Variants in PRELID2 observed in about 807,000 individuals in gnomAD.
The protein encoded by PRELID2 is PRELI domain-containing protein 2.
In PRELID2, 25 loss-of-function variants were observed where a neutral mutation model predicts 28.4. The observed-to-expected ratio is 0.88, with a 90% CI of 0.64 to 1.23. PRELID2 has a LOEUF of 1.23. Among genes scored for constraint, PRELID2 ranks in the 50% most tolerant of loss-of-function variants. The pLI, the probability that PRELID2 is intolerant of heterozygous loss-of-function variation, is 0.00. For synonymous variants in PRELID2, 76 were observed against 71.6 expected (o/e 1.06, Z -0.31); for missense variants, 201 against 214.4 (o/e 0.94, Z 0.39).
intron 1 of PRELID2, among the ~76,000 whole-genome samples, chr5:145,560,648 C>T (rs916055209): frequency 5.3e-5 from 8 of 152,206 alleles, no homozygotes; most frequent in Non-Finnish European, 8.8e-5. Context: ...AGCAACCAGT[C>T]CCTTTGCTAT....
chr5:145,772,055 A>C (rs779480716), intron 5 of PRELID2, among the ~76,000 whole-genome samples: 3 of 152,236 alleles, frequency 2.0e-5, no homozygotes, highest in Non-Finnish European at 4.4e-5. Flanking sequence ...GATGCTGTCT[A>C]ATCCTTTTAG....
At chr5:145,596,716 A>G (rs527559212) in intron 1 of PRELID2, among the ~76,000 whole-genome samples, 1 of 152,230 alleles carries the variant, frequency 6.6e-6, no homozygotes, top group Non-Finnish European at 1.5e-5. Context: ...GAGTTCGTAC[A>G]TGAGATAAAC....
chr5:145,816,988 C>T (rs746508446), intron 4 of PRELID2, among the ~76,000 whole-genome samples: 13 of 151,306 alleles, frequency 8.6e-5, no homozygotes, highest in Admixed American at 1.3e-4. Context: ...AGTGAGACCC[C>T]GTATCTACGA....
the PRELID2 span, among the ~76,000 whole-genome samples, chr5:145,411,253 G>A: frequency 5.3e-5 from 8 of 152,234 alleles, no homozygotes; most frequent in African/African-American, 1.9e-4. Context: ...GAGAGAGCTT[G>A]TGCAGGGAAA....
chr5:145,372,138 T>C, the PRELID2 span, among the ~76,000 whole-genome samples: 4 of 152,088 alleles, frequency 2.6e-5, no homozygotes, highest in Non-Finnish European at 5.9e-5. Context: ...GATTCTGGAA[T>C]GTTGTCTCTT....
intron 5 of PRELID2, among the ~76,000 whole-genome samples, chr5:145,783,006 C>T (rs980239827): frequency 6.6e-6 from 1 of 152,242 alleles, no homozygotes; most frequent in African/African-American, 2.4e-5. Context: ...AGGGCCAGAG[C>T]CCAGGTCTCC....
At chr5:145,623,453 A>AAATAAAT (rs1561523312) in intron 1 of PRELID2, among the ~76,000 whole-genome samples, 4 of 150,266 alleles carry the variant, frequency 2.7e-5, no homozygotes, top group Admixed American at 1.3e-4. Context: ...TTCTCAAAAA[A>AAATAAAT]AAATAAATAA....
chr5:145,627,077 G>GC (rs1753856537), intron 1 of PRELID2, among the ~76,000 whole-genome samples: 1 of 106,744 alleles, frequency 9.4e-6, no homozygotes, highest in Non-Finnish European at 1.7e-5. Context: ...TCCAGCCTGG[G>GC]TGACAGAGTA....
chr5:145,611,237 C>G (rs1381757493), intron 1 of PRELID2, among the ~76,000 whole-genome samples: 1 of 151,970 alleles, frequency 6.6e-6, no homozygotes, highest in Non-Finnish European at 1.5e-5. Flanking sequence ...AATCTTGGCT[C>G]ACTTCAACCT....
At chr5:145,733,780 T>C (rs887498259) in intron 1 of PRELID2, among the ~76,000 whole-genome samples, 3 of 152,210 alleles carry the variant, frequency 2.0e-5, no homozygotes, top group African/African-American at 4.8e-5. Context: ...AGCAGAATAG[T>C]GGTCCCTGAA....
chr5:145,368,084 A>T, the PRELID2 span, among the ~76,000 whole-genome samples: 3 of 151,828 alleles, frequency 2.0e-5, no homozygotes, highest in Non-Finnish European at 4.4e-5. Flanking sequence ...AAATTTTATT[A>T]TTTGGTTATT....
chr5:145,529,219 A>G (rs1752635438), intron 1 of PRELID2, among the ~76,000 whole-genome samples: 1 of 152,228 alleles, frequency 6.6e-6, no homozygotes, highest in Admixed American at 6.5e-5. Flanking sequence ...ATCTGAACAT[A>G]TAATTGCAGA....
chr5:145,450,214 T>C, the PRELID2 span, among the ~76,000 whole-genome samples: 2 of 152,138 alleles, frequency 1.3e-5, no homozygotes, highest in Non-Finnish European at 2.9e-5. Context: ...GCACAGTCCC[T>C]CATTGCAAAA....
At chr5:145,670,492 G>C (rs1249399615) in intron 1 of PRELID2, among the ~76,000 whole-genome samples, 1 of 152,164 alleles carries the variant, frequency 6.6e-6, no homozygotes, top group Non-Finnish European at 1.5e-5. Flanking sequence ...GGCAGGGATG[G>C]ATTCTGTGTT....
intron 1 of PRELID2, among the ~76,000 whole-genome samples, chr5:145,676,234 A>AT (rs1380811289): frequency 0.028 from 4,123 of 149,592 alleles, 185 homozygotes; most frequent in African/African-American, 0.093. Context: ...AAAAAAAAAA[A>AT]AAAAAAAATA....
chr5:145,334,917 T>C, the PRELID2 span, among the ~76,000 whole-genome samples: 2 of 152,252 alleles, frequency 1.3e-5, no homozygotes, highest in South Asian at 2.1e-4. Flanking sequence ...AAATTCTCTC[T>C]TTTTCTTTTG....
At chr5:145,566,716 T>C (rs1164645294) in intron 1 of PRELID2, among the ~76,000 whole-genome samples, 2 of 151,920 alleles carry the variant, frequency 1.3e-5, no homozygotes, top group Non-Finnish European at 2.9e-5. Context: ...GGTGTGCACC[T>C]GTAATCCCAG....
At chr5:145,263,563 TA>T in the PRELID2 span, among the ~76,000 whole-genome samples, 1 of 151,280 alleles carries the variant, frequency 6.6e-6, no homozygotes, top group Non-Finnish European at 1.5e-5. Flanking sequence ...TTTGAAAAGA[TA>T]AAAAAAATTG....
At chr5:145,772,723 G>T (rs1017881996) in intron 5 of PRELID2, among the ~76,000 whole-genome samples, 41 of 152,146 alleles carry the variant, frequency 2.7e-4, no homozygotes, top group African/African-American at 8.0e-4. Flanking sequence ...ATGTGCCTTG[G>T]GGGGACACAT....
Sources: allele counts gnomAD v4.1 joint callset (sites outside exome capture counted in the v4.1 genomes callset), GRCh38; gene constraint gnomAD v4.1.1; transcripts MANE v1.5; gene names NCBI Gene and HGNC (gene_info 2026-07-23, HGNC 2026-07-21).